Variants in RGS6 observed in about 807,000 individuals in gnomAD.
RGS6 encodes regulator of G-protein signaling 6.
RGS6 carries 30 observed loss-of-function variants against 78.5 expected under a neutral mutation model. That is an observed-to-expected ratio of 0.38 (90% confidence interval 0.29 to 0.52). The LOEUF (loss-of-function observed/expected upper bound fraction) is 0.52. Ranked by LOEUF, RGS6 falls within the 20% of genes least tolerant of loss-of-function variation. The pLI is 0.85. For synonymous variants in RGS6, 206 were observed against 206.0 expected, an observed-to-expected ratio of 1.00 and a Z score of 0.00; for missense variants, 495 against 609.7, an observed-to-expected ratio of 0.81 and a Z score of 1.98.
At chr14:72,596,857 A>G in the RGS6 span, among the ~76,000 whole-genome samples, 4 of 152,212 alleles carry the variant, frequency 2.6e-5, no homozygotes, top group Non-Finnish European at 4.4e-5. Flanking sequence ...TCTGCCTGGT[A>G]TTAGCTGTAT....
rs75151065 is a variant in RGS6, at chr14:72,222,213, T to C, written c.85-129882T>C. ...GTACTCCACCCCCACCTCCAAGAGA[T>C]CTGCTCTGCCTGTGATGACAAGCCA... On this transcript the variant is annotated intron_variant, in intron 2 of 17. Coordinates refer to ENST00000553525, the MANE Select transcript of RGS6 (RefSeq NM_001204424.2). Among the ~76,000 whole-genome samples, 1,357 of 152,322 alleles carry C rather than the reference T, an allele frequency of 8.9e-3. 38 individuals are homozygous for C. In the South Asian group the frequency reaches 0.11, roughly 12 times the overall value.
intron 2 of RGS6, among the ~76,000 whole-genome samples, chr14:72,111,067 A>G (rs921461183): frequency 6.6e-6 from 1 of 150,776 alleles, no homozygotes; most frequent in Non-Finnish European, 1.5e-5. Flanking sequence ...TGTCTGCAAG[A>G]CTCTCCCGTT....
chr14:72,106,108 G>C (rs1396162144), intron 2 of RGS6, among the ~76,000 whole-genome samples: 1 of 152,152 alleles, frequency 6.6e-6, no homozygotes, highest in Non-Finnish European at 1.5e-5. Flanking sequence ...TCAGAGAACA[G>C]AGAGACCAGA....
At chr14:72,411,963 G>A (rs1205027359) in intron 3 of RGS6, among the ~76,000 whole-genome samples, 1 of 152,112 alleles carries the variant, frequency 6.6e-6, no homozygotes, top group Admixed American at 6.5e-5. Context: ...GCTGGATTCG[G>A]TTTGCCAGTA....
chr14:72,439,417 C>T (rs115295842), intron 3 of RGS6, among the ~76,000 whole-genome samples: 1,603 of 152,274 alleles, frequency 0.011, 31 homozygotes, highest in African/African-American at 0.037. Context: ...AAGGGTGAAA[C>T]GAGAGGTGAT....
chr14:71,960,608 G>A (rs4902958), intron 1 of RGS6, among the ~76,000 whole-genome samples: 30,666 of 152,176 alleles, frequency 0.2, 3,244 homozygotes, highest in African/African-American at 0.27. Context: ...TTTCTAGAGA[G>A]GAAGTCCCTG....
At chr14:72,190,579 G>A (rs890873776) in intron 2 of RGS6, among the ~76,000 whole-genome samples, 4 of 152,204 alleles carry the variant, frequency 2.6e-5, no homozygotes, top group African/African-American at 9.6e-5. Context: ...CCCTCAACAG[G>A]CTACACCTGG....
intron 2 of RGS6, among the ~76,000 whole-genome samples, chr14:72,035,150 A>G (rs1287199684): frequency 6.6e-6 from 1 of 152,148 alleles, no homozygotes; most frequent in Non-Finnish European, 1.5e-5. Context: ...CGGCCTTGGA[A>G]TGTATTCCCC....
intron 2 of RGS6, among the ~76,000 whole-genome samples, chr14:72,087,807 G>T (rs1421180725): frequency 6.6e-6 from 1 of 152,050 alleles, no homozygotes; most frequent in African/African-American, 2.4e-5. Flanking sequence ...GGCCAGTGAT[G>T]ATAGTTTTTC....
intron 2 of RGS6, among the ~76,000 whole-genome samples, chr14:72,325,328 C>A (rs1047556261): frequency 6.6e-6 from 1 of 152,164 alleles, no homozygotes; most frequent in Admixed American, 6.5e-5. Flanking sequence ...ATGGTAGTTT[C>A]TTTTACTGTG....
intron 2 of RGS6, among the ~76,000 whole-genome samples, chr14:72,003,961 G>A (rs2084006226): frequency 6.6e-6 from 1 of 152,170 alleles, no homozygotes; most frequent in South Asian, 2.1e-4. Context: ...GCCAGCAGCT[G>A]AGGGGTGAAA....
chr14:71,949,401 G>A (rs1448418446), intron 1 of RGS6, among the ~76,000 whole-genome samples: 2 of 151,896 alleles, frequency 1.3e-5, no homozygotes, highest in East Asian at 1.9e-4. Context: ...GCTTCAATTT[G>A]CATTTTTCTG....
At chr14:72,220,141 A>T (rs1442032106) in intron 2 of RGS6, among the ~76,000 whole-genome samples, 2 of 152,252 alleles carry the variant, frequency 1.3e-5, no homozygotes, top group African/African-American at 4.8e-5. Flanking sequence ...AATCGCTACA[A>T]AAAGAATAAA....
chr14:72,096,792 C>A (rs748694518), intron 2 of RGS6, among the ~76,000 whole-genome samples: 3 of 152,166 alleles, frequency 2.0e-5, no homozygotes. Flanking sequence ...ATCCACTTTC[C>A]GTTGGTTGTG....
intron 12 of RGS6, among the ~76,000 whole-genome samples, chr14:72,482,500 G>T (rs757185900): frequency 2.6e-5 from 4 of 152,178 alleles, no homozygotes; most frequent in Non-Finnish European, 5.9e-5. Context: ...TTGCTCACAT[G>T]TCTATGTGCC....
chr14:72,587,420 C>A, the RGS6 span, among the ~76,000 whole-genome samples: 3 of 152,054 alleles, frequency 2.0e-5, no homozygotes, highest in African/African-American at 7.2e-5. Context: ...GTTTCAGAGA[C>A]AATGAGGTGG....
rs180910706 is a variant in RGS6, at chr14:72,338,490, A to G, written c.85-13605A>G. Among the ~76,000 whole-genome samples, 13 of 152,366 alleles carry G rather than the reference A, an allele frequency of 8.5e-5. No homozygotes were observed. In the East Asian group the frequency reaches 2.5e-3, roughly 29 times the overall value. On this transcript the variant is annotated intron_variant, in intron 2 of 17. Transcript: ENST00000553525. ...TCTCTCCACTAGGTCCTCCCGTAAC[A>G]TGTGGGAATTAAGGGAGATACACTT...
At chr14:72,489,191 G>A (rs2096542920) in intron 12 of RGS6, among the ~76,000 whole-genome samples, 1 of 139,986 alleles carries the variant, frequency 7.1e-6, no homozygotes, top group African/African-American at 2.6e-5. Context: ...CTCAGATTTT[G>A]AGAATGCCAT....
chr14:72,532,065 G>A (rs1019471231), intron 15 of RGS6, among the ~76,000 whole-genome samples: 2 of 152,116 alleles, frequency 1.3e-5, no homozygotes, highest in African/African-American at 4.8e-5. Flanking sequence ...GCACTTCCCT[G>A]TATTATGCCT....
Sources: gnomAD v4.1 joint callset for allele counts (sites outside exome capture counted in the v4.1 genomes callset) on GRCh38, gnomAD v4.1.1 for gene constraint, MANE v1.5 for transcripts, NCBI Gene and HGNC (gene_info 2026-07-23, HGNC 2026-07-21) for gene names.